BANK1: variants seen among roughly 807,000 people sequenced by gnomAD.
BANK1 encodes the protein B-cell scaffold protein with ankyrin repeats.
Under a neutral mutation model 94.5 loss-of-function variants are expected in BANK1, and 95 were observed. The ratio of observed to expected loss-of-function variants is 1.00; its 90% CI spans 0.85 to 1.19. The LOEUF (loss-of-function observed/expected upper bound fraction) is 1.19. Among genes scored for constraint, BANK1 ranks in the 50% most tolerant of loss-of-function variants. The probability of loss-of-function intolerance (pLI) is 0.00; values close to 1 mark genes in which losing one functional copy is unlikely to be tolerated. For synonymous variants in BANK1, 334 were observed against 308.4 expected (o/e 1.08, Z -0.87); for missense variants, 987 against 932.2 (o/e 1.06, Z -0.77).
intron 2 of BANK1, among the ~76,000 whole-genome samples, chr4:101,840,265 G>A (rs756394802): frequency 7.2e-5 from 11 of 152,042 alleles, no homozygotes; most frequent in Non-Finnish European, 1.3e-4. Flanking sequence ...ACCGCGCCCG[G>A]CCAAATATTT....
Position 102,030,272 on chromosome 4 carries a change from A to G in BANK1, c.1900+7A>G. 7 of 1,555,598 alleles carry G rather than the reference A, an allele frequency of 4.5e-6. No individual in the cohort carries two copies. The highest frequency in any genetic ancestry group is 6.0e-6 in the Non-Finnish European group (7 of 1,157,508). The stretch of plus-strand genomic sequence containing the variant: ...ACACCTTACATAGCTCAAGGTAATT[A>G]TCATTGTTGTTTGTTTACTTGTTAA... On this transcript the variant is annotated splice_region_variant and intron_variant, in intron 10 of 16. Coordinates refer to ENST00000322953, the MANE Select transcript of BANK1 (RefSeq NM_017935.5).
chr4:101,864,826 C>G (rs553661314), intron 4 of BANK1, among the ~76,000 whole-genome samples: 48 of 152,194 alleles, frequency 3.2e-4, no homozygotes, highest in Non-Finnish European at 5.4e-4. Flanking sequence ...GGAGGAGGAC[C>G]CAGTAAGTCC....
intron 7 of BANK1, among the ~76,000 whole-genome samples, chr4:101,943,444 C>A (rs1578412139): frequency 6.6e-6 from 1 of 151,626 alleles, no homozygotes; most frequent in Admixed American, 6.6e-5. Flanking sequence ...GCCAGAGAGG[C>A]ATTAAGGTAA....
chr4:102,040,106 A>G (rs1030118657), intron 10 of BANK1, among the ~76,000 whole-genome samples: 2 of 152,126 alleles, frequency 1.3e-5, no homozygotes, highest in African/African-American at 4.8e-5. Flanking sequence ...TGCTTGAAAT[A>G]GACCACAAAT....
chr4:101,836,233 C>T (rs1726821240), intron 2 of BANK1, among the ~76,000 whole-genome samples: 1 of 152,146 alleles, frequency 6.6e-6, no homozygotes, highest in African/African-American at 2.4e-5. Context: ...GTAATCCAAG[C>T]ACTTTGGGAG....
At chr4:101,840,095 A>C (rs928516646) in intron 2 of BANK1, among the ~76,000 whole-genome samples, 55 of 144,422 alleles carry the variant, frequency 3.8e-4, no homozygotes, top group African/African-American at 1.4e-3. Flanking sequence ...CAGCCTCCCA[A>C]GTAGCTGGGA....
At chr4:102,015,864 A>T (rs1472927767) in intron 7 of BANK1, among the ~76,000 whole-genome samples, 1 of 152,108 alleles carries the variant, frequency 6.6e-6, no homozygotes, top group Non-Finnish European at 1.5e-5. Context: ...TACTAGAATT[A>T]TTTTTCTAAA....
At chr4:102,022,631 C>T (rs1726952774) in intron 8 of BANK1, among the ~76,000 whole-genome samples, 1 of 152,130 alleles carries the variant, frequency 6.6e-6, no homozygotes, top group Admixed American at 6.6e-5. Flanking sequence ...GATAGAAGGA[C>T]TGCTGCTAAA....
chr4:101,985,757 AT>A (rs1441188380), intron 7 of BANK1, among the ~76,000 whole-genome samples: 2 of 152,150 alleles, frequency 1.3e-5, no homozygotes, highest in East Asian at 1.9e-4. Flanking sequence ...ATTAAAAAAA[AT>A]AAAAATCTAC....
chr4:101,888,228 C>A (rs1244330970), intron 5 of BANK1, among the ~76,000 whole-genome samples: 1 of 152,190 alleles, frequency 6.6e-6, no homozygotes, highest in Non-Finnish European at 1.5e-5. Flanking sequence ...TTTATGGAAG[C>A]TAGAAAGACC....
intron 10 of BANK1, among the ~76,000 whole-genome samples, chr4:102,036,405 A>G (rs534882512): frequency 6.6e-6 from 1 of 152,350 alleles, no homozygotes; most frequent in Admixed American, 6.5e-5. Context: ...TAAACGTGAC[A>G]GAGTATAATG....
chr4:101,952,085 A>AATAAATAAATGCATAT (rs1468960697), intron 7 of BANK1, among the ~76,000 whole-genome samples: 2 of 151,882 alleles, frequency 1.3e-5, no homozygotes, highest in African/African-American at 2.4e-5. Flanking sequence ...TAAATGCATA[A>AATAAATAAATGCATAT]ATAAATAAAT....
chr4:101,898,722 T>A (rs1476992355), intron 6 of BANK1, among the ~76,000 whole-genome samples: 1 of 152,052 alleles, frequency 6.6e-6, no homozygotes, highest in African/African-American at 2.4e-5. Flanking sequence ...GTTATTTTGG[T>A]AAATTCTGGG....
intron 7 of BANK1, among the ~76,000 whole-genome samples, chr4:101,936,340 T>C (rs1007897703): frequency 6.7e-6 from 1 of 150,258 alleles, no homozygotes; most frequent in African/African-American, 2.4e-5. Context: ...CATATATATG[T>C]ACATATACAT....
chr4:101,874,410 G>T (rs955938232), intron 5 of BANK1, among the ~76,000 whole-genome samples: 1 of 152,066 alleles, frequency 6.6e-6, no homozygotes. Flanking sequence ...TCTTCCCATC[G>T]AGAGATACTG....
At chr4:102,013,561 T>C (rs72686783) in intron 7 of BANK1, among the ~76,000 whole-genome samples, 2 of 152,168 alleles carry the variant, frequency 1.3e-5, no homozygotes, top group Non-Finnish European at 2.9e-5. Context: ...AGAATTTCCA[T>C]TTATAGCCCT....
rs1387738195 is a variant in BANK1 at position 101,862,626 on chromosome 4, C to T, written c.725C>T (p.Ala242Val). Residue 242 changes from alanine to valine, a missense_variant, in exon 4 of 17, where the codon GCC becomes GTC. Physicochemically the swap from Ala to Val is moderately conservative, Grantham distance 64. Coordinates refer to ENST00000322953, the MANE Select transcript of BANK1 (RefSeq NM_017935.5). ...SSNKRIRTRPALWNKKVWCMK... is the reference protein window; with the variant it reads ...SSNKRIRTRPVLWNKKVWCMK... The stretch of plus-strand genomic sequence containing the variant: ...AATAAGCGCATTAGAACACGGCCAG[C>T]CCTTTGGAATAAGAAAGTCTGGTGC... 1 of 1,608,798 alleles carries T rather than the reference C, an allele frequency of 6.2e-7. No individual in the cohort carries two copies. Among genetic ancestry groups the T allele is most frequent in the Non-Finnish European group, 8.5e-7 (1 of 1,177,576 alleles).
At chr4:101,958,878 C>A (rs1028673991) in intron 7 of BANK1, among the ~76,000 whole-genome samples, 3 of 152,202 alleles carry the variant, frequency 2.0e-5, no homozygotes, top group African/African-American at 7.2e-5. Context: ...GAAACTCTTA[C>A]ACCTCAACTA....
rs1307091240 is a variant in BANK1 at position 102,044,398 on chromosome 4, G to T, written c.1969+491G>T. ...ATGGCTGCATAGTATTCCACTGTGT[G>T]TATGTGCCACATTTTCTTAATCCAG... On this transcript the variant is annotated intron_variant, in intron 11 of 16. Coordinates refer to ENST00000322953, the MANE Select transcript of BANK1 (RefSeq NM_017935.5). 3.3e-5 allele frequency among the ~76,000 whole-genome samples: 5 copies of T among 152,098 alleles called. No individual in the cohort carries two copies. The East Asian group carries it at 9.6e-4, about 29-fold the overall frequency.
Sources: gnomAD v4.1 joint callset for allele counts (sites outside exome capture counted in the v4.1 genomes callset) on GRCh38, gnomAD v4.1.1 for gene constraint, MANE v1.5 for transcripts, NCBI Gene and HGNC (gene_info 2026-07-23, HGNC 2026-07-21) for gene names.